The following GSPT1 variants were observed in gnomAD, a reference collection of about 807,000 sequenced individuals.
GSPT1 encodes the protein eukaryotic peptide chain release factor GTP-binding subunit ERF3A.
In GSPT1, 20 loss-of-function variants were observed where a neutral mutation model predicts 72.5. That is an observed-to-expected ratio of 0.28 (90% confidence interval 0.19 to 0.40). The LOEUF is 0.40. GSPT1 is among the 10% of genes least tolerant of loss of function. The pLI is 1.00. For synonymous variants in GSPT1, 334 were observed against 293.5 expected (o/e 1.14, Z -1.41); for missense variants, 580 against 811.9 (o/e 0.71, Z 3.47).
intron 1 of GSPT1, among the ~76,000 whole-genome samples, chr16:11,901,602 C>T (rs2054406545): frequency 6.9e-6 from 1 of 144,522 alleles, no homozygotes; most frequent in South Asian, 2.2e-4. Context: ...ATGGTGAAAC[C>T]CCATCTCCAC....
At chr16:11,895,778 C>T (rs1423731764) in intron 4 of GSPT1, among the ~76,000 whole-genome samples, 2 of 152,160 alleles carry the variant, frequency 1.3e-5, no homozygotes, top group African/African-American at 4.8e-5. Flanking sequence ...AGGCTCATGC[C>T]ACCACACCTG....
intron 6 of GSPT1, among the ~76,000 whole-genome samples, chr16:11,890,026 T>A (rs557295378): frequency 1.3e-5 from 2 of 151,260 alleles, no homozygotes; most frequent in South Asian, 4.2e-4. Context: ...AGTGGTGCAA[T>A]CTCGGCTCAC....
At chr16:11,887,829 A>G in intron 6 of GSPT1, 79 bp from the exon 7 acceptor site, 1 of 939,286 alleles carries the variant, frequency 1.1e-6, no homozygotes, top group East Asian at 2.4e-5. Context: ...TTAAAGATAT[A>G]ATGGATGACA....
intron 1 of GSPT1, among the ~76,000 whole-genome samples, chr16:11,913,977 G>A (rs1000381537): frequency 6.6e-6 from 1 of 152,186 alleles, no homozygotes; most frequent in African/African-American, 2.4e-5. Context: ...TACCACGAAA[G>A]AGCAAACGGT....
intron 1 of GSPT1, among the ~76,000 whole-genome samples, chr16:11,903,446 C>G (rs1406533767): frequency 6.6e-6 from 1 of 152,104 alleles, no homozygotes; most frequent in Non-Finnish European, 1.5e-5. Flanking sequence ...ACCTGCGAGG[C>G]GGAGGTTGCA....
intron 1 of GSPT1, among the ~76,000 whole-genome samples, chr16:11,904,391 AT>A (rs543882607): frequency 1.8e-3 from 273 of 152,058 alleles, no homozygotes; most frequent in African/African-American, 6.3e-3. Context: ...TTTAGTAGAG[AT>A]GGGGTTTCAC....
chr16:11,887,964 C>G (rs998025456), intron 6 of GSPT1, among the ~76,000 whole-genome samples: 1 of 151,572 alleles, frequency 6.6e-6, no homozygotes, highest in Non-Finnish European at 1.5e-5. Flanking sequence ...GGGTTCGACA[C>G]CAGCCTGACC....
At chr16:11,873,708 C>A (rs1416003831) in intron 14 of GSPT1, among the ~76,000 whole-genome samples, 1 of 152,030 alleles carries the variant, frequency 6.6e-6, no homozygotes, top group Non-Finnish European at 1.5e-5. Context: ...CTGCCTCAGC[C>A]TCCTGAGTAG....
intron 9 of GSPT1, among the ~76,000 whole-genome samples, chr16:11,885,577 A>G (rs117504159): frequency 0.019 from 2,946 of 152,210 alleles, 40 homozygotes; most frequent in Non-Finnish European, 0.03. Flanking sequence ...CCAAGATTCT[A>G]TAAAATAATT....
chr16:11,913,737 A>T (rs964296541), intron 1 of GSPT1, among the ~76,000 whole-genome samples: 1 of 152,198 alleles, frequency 6.6e-6, no homozygotes, highest in Non-Finnish European at 1.5e-5. Flanking sequence ...CTGAGAAGTG[A>T]ACTAGGTTAG....
At chr16:11,873,420 T>C (rs1320590987) in intron 14 of GSPT1, among the ~76,000 whole-genome samples, 2 of 152,116 alleles carry the variant, frequency 1.3e-5, no homozygotes, top group African/African-American at 4.8e-5. Context: ...CAAACAATTC[T>C]CCTGCCTCAT....
rs919644652 is a variant in GSPT1, at chr16:11,870,624, A to T, written c.*2495T>A. ...ACATAATGCCAAGTTCACCTTAGAC[A>T]TTTTATTTACTTATCCAAATGAACA... On this transcript the variant is annotated 3_prime_UTR_variant, in exon 15 of 15. Transcript: ENST00000434724. The T allele has an allele frequency of 6.6e-6, 1 of 152,218 alleles. No homozygotes were observed. Among genetic ancestry groups the T allele is most frequent in the Non-Finnish European group, 1.5e-5 (1 of 68,042 alleles). 9.4% of individuals were successfully genotyped at this position (152,218 alleles called of 1,614,324 possible).
At chr16:11,883,573 C>A (rs964113605) in intron 10 of GSPT1, among the ~76,000 whole-genome samples, 1 of 148,920 alleles carries the variant, frequency 6.7e-6, no homozygotes, top group Non-Finnish European at 1.5e-5. Context: ...TGAGCCGAGA[C>A]TGAACCACTC....
At chr16:11,895,155 G>C in intron 4 of GSPT1, 168 bp from the exon 5 acceptor site, 1 of 537,580 alleles carries the variant, frequency 1.9e-6, no homozygotes, top group Non-Finnish European at 3.4e-6. Context: ...TCAAGGCTGG[G>C]CTCGGTGGCT....
At chr16:11,893,745 T>A (rs1291924922) in intron 5 of GSPT1, among the ~76,000 whole-genome samples, 1 of 152,050 alleles carries the variant, frequency 6.6e-6, no homozygotes, top group Non-Finnish European at 1.5e-5. Context: ...TCCTGAAACA[T>A]AACATCATAT....
intron 1 of GSPT1, among the ~76,000 whole-genome samples, chr16:11,911,357 A>C (rs2054554102): frequency 1.3e-5 from 2 of 152,130 alleles, no homozygotes; most frequent in Non-Finnish European, 2.9e-5. Flanking sequence ...ATAACCTTAC[A>C]AATATATTAA....
At chr16:11,884,005 C>G (rs545223410) in intron 10 of GSPT1, among the ~76,000 whole-genome samples, 12 of 151,754 alleles carry the variant, frequency 7.9e-5, no homozygotes, top group Admixed American at 6.6e-5. Context: ...GATCTCTAGG[C>G]CTGTTTCCTC....
intron 1 of GSPT1, among the ~76,000 whole-genome samples, chr16:11,902,824 T>G (rs2054431750): frequency 6.6e-6 from 1 of 151,964 alleles, no homozygotes; most frequent in South Asian, 2.1e-4. Context: ...TGACCTCATG[T>G]GATCTGCCTG....
intron 11 of GSPT1, chr16:11,881,386 T>C (rs2054120460): frequency 6.6e-6 from 1 of 152,126 alleles, no homozygotes. Context: ...CACTTGCAAA[T>C]ATGTCTGGGC....
Sources: allele counts gnomAD v4.1 joint callset (sites outside exome capture counted in the v4.1 genomes callset), GRCh38; gene constraint gnomAD v4.1.1; transcripts MANE v1.5; gene names NCBI Gene and HGNC (gene_info 2026-07-23, HGNC 2026-07-21).